GYPC: variants seen among roughly 807,000 people sequenced by gnomAD.
The protein encoded by GYPC is glycophorin C (Gerbich blood group).
GYPC carries 14 observed loss-of-function variants against 12.6 expected under a neutral mutation model. The ratio of observed to expected loss-of-function variants is 1.11; its 90% confidence interval spans 0.74 to 1.74. The LOEUF (loss-of-function observed/expected upper bound fraction) is 1.74, where lower values mean the gene tolerates loss of function less well. Among genes scored for constraint, GYPC ranks in the 40% most tolerant of loss-of-function variants. The pLI is 0.00. For synonymous variants in GYPC, 78 were observed against 62.1 expected (o/e 1.26, Z -1.20); for missense variants, 225 against 172.1 (o/e 1.31, Z -1.72).
intron 1 of GYPC, among the ~76,000 whole-genome samples, chr2:126,670,609 T>G (rs573656188): frequency 4.2e-4 from 64 of 152,272 alleles, no homozygotes; most frequent in African/African-American, 1.5e-3. Context: ...GGGGCCAGGC[T>G]GGGCTACAGG....
intron 2 of GYPC, among the ~76,000 whole-genome samples, chr2:126,691,958 G>A (rs1454572937): frequency 6.6e-6 from 1 of 152,126 alleles, no homozygotes; most frequent in Non-Finnish European, 1.5e-5. Flanking sequence ...GGTGCTTGTT[G>A]ATTGGAAAAG....
chr2:126,688,102 T>C, intron 1 of GYPC, among the ~76,000 whole-genome samples: 1 of 152,156 alleles, frequency 6.6e-6, no homozygotes, highest in Non-Finnish European at 1.5e-5. Flanking sequence ...TGTTGCAAGG[T>C]CTGAGTTAAA....
chr2:126,681,469 C>T (rs1276442706), intron 1 of GYPC, among the ~76,000 whole-genome samples: 7 of 152,094 alleles, frequency 4.6e-5, no homozygotes, highest in Admixed American at 2.0e-4. Flanking sequence ...TGTTCCTGTT[C>T]CAGATTGTTT....
chr2:126,676,005 C>T lies in GYPC; in HGVS notation c.50-14250C>T, dbSNP rs1305350428. Among the ~76,000 whole-genome samples, 3 of 152,266 alleles carry T rather than the reference C, an allele frequency of 2.0e-5. No homozygotes were observed. In the East Asian group the frequency reaches 5.8e-4, roughly 29 times the overall value. On this transcript the variant is annotated intron_variant, in intron 1 of 3. Transcript: ENST00000259254. ...AAACCATCTATACTTGAAAATGATACAATTATTTGAAATCTGTACAACCTG... is the reference window on the plus strand; with the variant it reads ...AAACCATCTATACTTGAAAATGATATAATTATTTGAAATCTGTACAACCTG...
chr2:126,666,743 A>G (rs1682691001), intron 1 of GYPC, among the ~76,000 whole-genome samples: 1 of 147,460 alleles, frequency 6.8e-6, no homozygotes, highest in African/African-American at 2.5e-5. Flanking sequence ...ACACACACAC[A>G]CACACACACA....
intron 1 of GYPC, 113 bp downstream of exon 1, chr2:126,656,425 C>T: frequency 1.1e-6 from 1 of 910,520 alleles, no homozygotes; most frequent in Non-Finnish European, 1.7e-6. Flanking sequence ...CCGTGCCGGG[C>T]CTCCAGGCGG....
intron 1 of GYPC, among the ~76,000 whole-genome samples, chr2:126,656,594 C>G (rs570131713): frequency 2.6e-5 from 4 of 152,378 alleles, no homozygotes; most frequent in African/African-American, 9.6e-5. Flanking sequence ...GCGTGTCGCC[C>G]GCTTTCTGTT....
intron 1 of GYPC, among the ~76,000 whole-genome samples, chr2:126,661,138 G>A (rs911348254): frequency 2.6e-5 from 4 of 152,212 alleles, no homozygotes; most frequent in African/African-American, 9.6e-5. Flanking sequence ...GCGACACTGG[G>A]TTCCTTCTTA....
intron 1 of GYPC, chr2:126,686,756 A>C (rs1047995963): frequency 2.6e-5 from 24 of 915,342 alleles, no homozygotes; most frequent in Middle Eastern, 5.5e-4. Context: ...ATGTCTGTCC[A>C]ATCGTTGTGC....
At chr2:126,675,651 C>A (rs752853534) in intron 1 of GYPC, 21 of 982,436 alleles carry the variant, frequency 2.1e-5, no homozygotes, top group Non-Finnish European at 2.4e-5. Context: ...TTCTCTATGA[C>A]CTCTTCACCT....
chr2:126,690,353 G>T, intron 2 of GYPC, 42 bp downstream of exon 2: 1 of 1,427,266 alleles, frequency 7.0e-7, no homozygotes, highest in Non-Finnish European at 9.9e-7. Flanking sequence ...GGAAACTGCC[G>T]TGACTTCAGA....
chr2:126,664,951 TTCTCTCTCTCTC>T (rs143811361), intron 1 of GYPC, among the ~76,000 whole-genome samples: 1 of 148,666 alleles, frequency 6.7e-6, no homozygotes, highest in Admixed American at 6.7e-5. Flanking sequence ...CTTGCTGTCT[TTCTCTCTCTCTC>T]TCTCTCTCTC....
intron 1 of GYPC, among the ~76,000 whole-genome samples, chr2:126,676,936 A>G (rs1209364822): frequency 6.6e-6 from 1 of 152,178 alleles, no homozygotes; most frequent in African/African-American, 2.4e-5. Flanking sequence ...AGAAGACAGG[A>G]TTGGAGGACA....
At chr2:126,692,506 T>C (rs1558893134) in intron 2 of GYPC, among the ~76,000 whole-genome samples, 1 of 152,166 alleles carries the variant, frequency 6.6e-6, no homozygotes, top group African/African-American at 2.4e-5. Flanking sequence ...GAAGCATCCT[T>C]CTCTGTTTTA....
At chr2:126,677,999 A>C (rs1320480145) in intron 1 of GYPC, among the ~76,000 whole-genome samples, 3 of 152,218 alleles carry the variant, frequency 2.0e-5, no homozygotes, top group African/African-American at 4.8e-5. Flanking sequence ...AGGTGGGCGG[A>C]TCACGAGGTC....
At chr2:126,687,846 C>T (rs1375292686) in intron 1 of GYPC, among the ~76,000 whole-genome samples, 1 of 152,322 alleles carries the variant, frequency 6.6e-6, no homozygotes, top group South Asian at 2.1e-4. Flanking sequence ...GTACAAGGTC[C>T]CTAACCAGAA....
intron 1 of GYPC, among the ~76,000 whole-genome samples, chr2:126,664,198 T>A (rs1315933117): frequency 1.3e-5 from 2 of 151,966 alleles, no homozygotes; most frequent in Non-Finnish European, 2.9e-5. Context: ...TTTTAAAAAA[T>A]TTTCATAGTC....
rs1028129425 is a variant in GYPC at position 126,696,496 on chromosome 2, CG to C, written c.*359del. On this transcript the variant is annotated 3_prime_UTR_variant, in exon 4 of 4. Transcript: ENST00000259254. ...GAGGGTGAGGGGGTGCTGGGGTACC[CG>C]GGGGCTGGGGAAGCAAGGAAATAAG... 7.3e-4 allele frequency: 260 copies of C among 354,488 alleles called. 1 individual carries two copies. The highest frequency in any genetic ancestry group is 4.8e-3 in the African/African-American group (226 of 47,424). 22.0% of individuals were successfully genotyped at this position (354,488 alleles called of 1,614,324 possible).
intron 1 of GYPC, among the ~76,000 whole-genome samples, chr2:126,669,996 G>A (rs908140320): frequency 1.3e-5 from 2 of 152,182 alleles, no homozygotes; most frequent in African/African-American, 4.8e-5. Context: ...AGGCTGAACT[G>A]TCTGGAGGAT....
Sources: gnomAD v4.1 joint callset for allele counts (sites outside exome capture counted in the v4.1 genomes callset) on GRCh38, gnomAD v4.1.1 for gene constraint, MANE v1.5 for transcripts, NCBI Gene and HGNC (gene_info 2026-07-23, HGNC 2026-07-21) for gene names.